Variants in CHN2 observed in about 807,000 individuals in gnomAD.
CHN2 encodes chimerin 2.
In CHN2, 35 loss-of-function variants were observed where a neutral mutation model predicts 56.3. The ratio of observed to expected loss-of-function variants is 0.62; its 90% CI spans 0.47 to 0.82. The LOEUF is 0.82. Among genes scored for constraint, CHN2 ranks in the 40% least tolerant of loss-of-function variants. CHN2 has a pLI of 0.00. For missense variants in CHN2, 491 were observed against 580.5 expected (o/e 0.85, Z 1.58); for synonymous variants, 210 against 212.8 (o/e 0.99, Z 0.12).
intron 1 of CHN2, among the ~76,000 whole-genome samples, chr7:29,204,089 GT>G (rs1207657681): frequency 1.2e-4 from 18 of 151,312 alleles, no homozygotes; most frequent in Non-Finnish European, 2.2e-4. Flanking sequence ...GTGTGTGTGT[GT>G]GTGTGTGTGT....
chr7:29,246,926 T>C (rs1788123856), intron 1 of CHN2, among the ~76,000 whole-genome samples: 2 of 152,158 alleles, frequency 1.3e-5, no homozygotes, highest in Admixed American at 6.5e-5. Context: ...TACTATTACC[T>C]TGGGGGTTAG....
At chr7:29,158,437 A>G (rs969418745) in intron 2 of CHN2, among the ~76,000 whole-genome samples, 1 of 152,242 alleles carries the variant, frequency 6.6e-6, no homozygotes, top group Non-Finnish European at 1.5e-5. Context: ...GTGTAAAGCT[A>G]TGATGTGTGT....
At chr7:29,447,043 G>T (rs911377492) in intron 6 of CHN2, among the ~76,000 whole-genome samples, 1 of 152,166 alleles carries the variant, frequency 6.6e-6, no homozygotes, top group African/African-American at 2.4e-5. Context: ...ACATTTATGG[G>T]AATACAAACA....
rs112129035 is a variant in CHN2, at chr7:29,393,798, GTCA to G, written c.176+96_176+98del. On this transcript the variant is annotated intron_variant, in intron 4 of 12. Transcript: ENST00000222792. ...AATATTACAAATTTTCTAATATATG[GTCA>G]TCATCATATGTCTATTGTGCAAGAG... 588 of 457,716 alleles carry G rather than the reference GTCA, an allele frequency of 1.3e-3. 6 individuals carry two copies. The highest frequency in any genetic ancestry group is 0.011 in the African/African-American group (530 of 47,446). 28.4% of individuals were successfully genotyped at this position (457,716 alleles called of 1,614,324 possible). A position where few individuals can be genotyped will look rare whatever the true frequency, so the allele number is the denominator to read the frequency against.
At position 29,506,119 on chromosome 7, in the gene CHN2, A is replaced by G. The variant is rs75581056; in HGVS notation, c.992-1109A>G. ...ATTGGAGTGGTATTTCCTAACGGTA[A>G]AACTAAAAGTCAAAAAATGTCTTGA... On this transcript the variant is annotated intron_variant, in intron 10 of 12. Transcript: ENST00000222792. 2.3e-3 allele frequency among the ~76,000 whole-genome samples: 345 copies of G among 152,302 alleles called. 5 individuals are homozygous for G. Among genetic ancestry groups the G allele is most frequent in the African/African-American group, 7.7e-3 (321 of 41,568 alleles).
chr7:29,372,937 G>A (rs140599510), intron 3 of CHN2, among the ~76,000 whole-genome samples: 3 of 152,142 alleles, frequency 2.0e-5, no homozygotes, highest in Non-Finnish European at 4.4e-5. Flanking sequence ...TTTTGAAATC[G>A]CTATAGTGAA....
chr7:29,146,945 T>G, exon 2 of CHN2: 1 of 1,551,130 alleles, frequency 6.4e-7, no homozygotes, highest in Middle Eastern at 1.7e-4. Flanking sequence ...TGGTCTACAT[T>G]CCAGCTGCAC....
intron 1 of CHN2, among the ~76,000 whole-genome samples, chr7:29,315,393 G>T (rs1794887847): frequency 2.0e-5 from 3 of 152,192 alleles, no homozygotes. Context: ...CCTAACTTCA[G>T]GTTGAAGGTG....
At chr7:29,250,799 T>C (rs986618359) in intron 1 of CHN2, among the ~76,000 whole-genome samples, 5 of 151,556 alleles carry the variant, frequency 3.3e-5, no homozygotes, top group African/African-American at 1.2e-4. Flanking sequence ...CAACCTCTGC[T>C]TCCAGGGTTC....
chr7:29,199,052 C>T (rs1376954901), intron 1 of CHN2, among the ~76,000 whole-genome samples: 4 of 152,216 alleles, frequency 2.6e-5, no homozygotes, highest in Non-Finnish European at 5.9e-5. Context: ...GGGAAAAGAA[C>T]ATTCCTGAAT....
At chr7:29,249,133 G>A (rs1263750931) in intron 1 of CHN2, among the ~76,000 whole-genome samples, 1 of 152,122 alleles carries the variant, frequency 6.6e-6, no homozygotes. Context: ...TATAGAGGCC[G>A]AGAAGCCCCA....
chr7:29,246,263 C>T (rs1005935737), intron 1 of CHN2, among the ~76,000 whole-genome samples: 22 of 152,066 alleles, frequency 1.4e-4, no homozygotes, highest in Admixed American at 6.5e-4. Context: ...GAGAGGTTCC[C>T]AGAGATCTCT....
intron 1 of CHN2, among the ~76,000 whole-genome samples, chr7:29,261,230 G>A (rs1487016849): frequency 1.3e-5 from 2 of 152,224 alleles, no homozygotes; most frequent in African/African-American, 4.8e-5. Flanking sequence ...AGAGAGGTTA[G>A]TAACTTGCTT....
intron 6 of CHN2, chr7:29,401,042 G>A (rs1802160827): frequency 2.5e-5 from 14 of 554,508 alleles, no homozygotes; most frequent in Non-Finnish European, 3.8e-5. Flanking sequence ...GCCGAGGCAG[G>A]TGGATCACGA....
At chr7:29,295,473 A>G (rs999624898) in intron 1 of CHN2, among the ~76,000 whole-genome samples, 1 of 152,130 alleles carries the variant, frequency 6.6e-6, no homozygotes, top group Non-Finnish European at 1.5e-5. Context: ...TTTAAAAAAA[A>G]AAATCAGGGC....
chr7:29,296,304 C>T (rs564489292), intron 1 of CHN2, among the ~76,000 whole-genome samples: 7 of 152,196 alleles, frequency 4.6e-5, no homozygotes, highest in African/African-American at 7.2e-5. Flanking sequence ...AGGCTGGTCT[C>T]GAACTCCTAA....
At chr7:29,173,508 C>T (rs1450369955) in intron 2 of CHN2, among the ~76,000 whole-genome samples, 1 of 151,938 alleles carries the variant, frequency 6.6e-6, no homozygotes, top group Non-Finnish European at 1.5e-5. Flanking sequence ...AACTTTCTTT[C>T]CTTAAACTCA....
chr7:29,160,237 T>C (rs1794992041), intron 2 of CHN2, among the ~76,000 whole-genome samples: 1 of 152,206 alleles, frequency 6.6e-6, no homozygotes, highest in African/African-American at 2.4e-5. Context: ...TGTGTGAAGT[T>C]GGTGCCAGAT....
intron 1 of CHN2, among the ~76,000 whole-genome samples, chr7:29,353,656 T>G (rs1160700682): frequency 2.0e-5 from 3 of 151,958 alleles, no homozygotes; most frequent in African/African-American, 7.3e-5. Context: ...AAAGAAAAGT[T>G]TAACAGGACA....
Sources: allele counts gnomAD v4.1 joint callset (sites outside exome capture counted in the v4.1 genomes callset), GRCh38; gene constraint gnomAD v4.1.1; transcripts MANE v1.5; gene names NCBI Gene and HGNC (gene_info 2026-07-23, HGNC 2026-07-21).